Variants in KLRG1 observed in about 807,000 individuals in gnomAD.
The protein encoded by KLRG1 is killer cell lectin-like receptor subfamily G member 1.
Under a neutral mutation model 21.8 loss-of-function variants are expected in KLRG1, and 16 were observed. That is an observed-to-expected ratio of 0.73 (90% confidence interval 0.50 to 1.11). The LOEUF (loss-of-function observed/expected upper bound fraction) is 1.11. Ranked by LOEUF, KLRG1 falls within the 50% of genes most tolerant of loss-of-function variation. The pLI is 0.00. For missense variants in KLRG1, 173 were observed against 218.3 expected, an observed-to-expected ratio of 0.79 and a Z score of 1.31; for synonymous variants, 69 against 75.9, an observed-to-expected ratio of 0.91 and a Z score of 0.47.
the KLRG1 span, among the ~76,000 whole-genome samples, chr12:9,061,592 T>TC: frequency 6.6e-6 from 1 of 152,066 alleles, no homozygotes; most frequent in Non-Finnish European, 1.5e-5. Flanking sequence ...AGTAGAAGGA[T>TC]CTCTTGAGCC....
the KLRG1 span, among the ~76,000 whole-genome samples, chr12:9,190,327 C>T: frequency 1.6e-4 from 24 of 152,260 alleles, no homozygotes; most frequent in African/African-American, 3.9e-4. Flanking sequence ...TAAAAAAGAA[C>T]GCCATCATGT....
the KLRG1 span, among the ~76,000 whole-genome samples, chr12:9,044,947 G>T: frequency 5.9e-5 from 9 of 152,258 alleles, no homozygotes; most frequent in African/African-American, 2.2e-4. Flanking sequence ...ATAAATATCT[G>T]TCACTAAAGG....
chr12:9,152,164 T>G, the KLRG1 span: 1 of 1,242,890 alleles, frequency 8.0e-7, no homozygotes, highest in Non-Finnish European at 1.2e-6. Context: ...TGGTCTTAGT[T>G]TGGGGATACA....
chr12:9,148,416 A>G, the KLRG1 span, among the ~76,000 whole-genome samples: 1 of 152,124 alleles, frequency 6.6e-6, no homozygotes, highest in Non-Finnish European at 1.5e-5. Context: ...TAATTTTATT[A>G]TCCATGTTTG....
chr12:9,215,561 T>G, the KLRG1 span, among the ~76,000 whole-genome samples: 3 of 152,034 alleles, frequency 2.0e-5, no homozygotes, highest in Non-Finnish European at 4.4e-5. Context: ...AATTAAACAT[T>G]TTTAAATGAT....
chr12:9,001,337 AG>A (rs1480517401), intron 3 of KLRG1, among the ~76,000 whole-genome samples: 1 of 152,200 alleles, frequency 6.6e-6, no homozygotes, highest in Non-Finnish European at 1.5e-5. Flanking sequence ...TTAAAATATG[AG>A]ACTGTAGGGT....
At chr12:9,132,355 G>C in the KLRG1 span, among the ~76,000 whole-genome samples, 1 of 152,218 alleles carries the variant, frequency 6.6e-6, no homozygotes, top group African/African-American at 2.4e-5. Context: ...AACGACATGG[G>C]TTGTGAAACA....
chr12:9,081,377 T>C, the KLRG1 span, among the ~76,000 whole-genome samples: 2 of 152,164 alleles, frequency 1.3e-5, no homozygotes, highest in African/African-American at 4.8e-5. Flanking sequence ...CTGGTGGAAG[T>C]ATAAATGCAT....
At chr12:9,039,017 A>G in the KLRG1 span, among the ~76,000 whole-genome samples, 5 of 152,208 alleles carry the variant, frequency 3.3e-5, no homozygotes, top group Non-Finnish European at 5.9e-5. Context: ...GCTTAAATTT[A>G]TTAGAAGAGC....
chr12:9,165,485 A>G, the KLRG1 span: 8 of 1,158,764 alleles, frequency 6.9e-6, no homozygotes, highest in Non-Finnish European at 9.8e-6. Flanking sequence ...GGTATATGCG[A>G]GTGTGCATTC....
At chr12:9,194,477 T>G in the KLRG1 span, among the ~76,000 whole-genome samples, 1 of 149,888 alleles carries the variant, frequency 6.7e-6, no homozygotes, top group Non-Finnish European at 1.5e-5. Context: ...TTTTTTTTTT[T>G]TTTTTGAGAC....
At chr12:9,059,996 C>CTTTCTTTTT in the KLRG1 span, among the ~76,000 whole-genome samples, 1 of 75,566 alleles carries the variant, frequency 1.3e-5, no homozygotes, top group Non-Finnish European at 2.5e-5. Context: ...GCCCTGGCAT[C>CTTTCTTTTT]TTTTTTTTTT....
the KLRG1 span, among the ~76,000 whole-genome samples, chr12:9,055,921 T>A: frequency 1.3e-5 from 2 of 152,170 alleles, no homozygotes; most frequent in Non-Finnish European, 2.9e-5. Context: ...ACTCTTCTGA[T>A]AAGAAAATCA....
chr12:9,012,749 A>G (rs1185356447), downstream of KLRG1, among the ~76,000 whole-genome samples: 1 of 151,942 alleles, frequency 6.6e-6, no homozygotes, highest in East Asian at 1.9e-4. Context: ...GCATTTCTGG[A>G]CCTGCCCTGA....
chr12:9,111,348 A>G, the KLRG1 span, among the ~76,000 whole-genome samples: 1 of 152,182 alleles, frequency 6.6e-6, no homozygotes, highest in South Asian at 2.1e-4. Context: ...AAATAGAAAA[A>G]CAAAGCCAAG....
chr12:9,015,944 A>G, the KLRG1 span, among the ~76,000 whole-genome samples: 2 of 152,202 alleles, frequency 1.3e-5, no homozygotes, highest in Non-Finnish European at 2.9e-5. Flanking sequence ...AAGGAAGTTA[A>G]AAAACTTCTG....
At chr12:9,009,109 G>C (rs1947564343) in intron 4 of KLRG1, 34 bp downstream of exon 4, 2 of 1,540,978 alleles carry the variant, frequency 1.3e-6, no homozygotes, top group Admixed American at 1.8e-5. Flanking sequence ...AAAAAAGAGA[G>C]AGAGGAAAAA....
At chr12:9,003,216 T>A (rs1947358296) in intron 3 of KLRG1, among the ~76,000 whole-genome samples, 1 of 152,140 alleles carries the variant, frequency 6.6e-6, no homozygotes, top group African/African-American at 2.4e-5. Context: ...CAAATCTTTA[T>A]CAATTTCTGT....
the KLRG1 span, among the ~76,000 whole-genome samples, chr12:9,214,843 GC>G: frequency 6.6e-6 from 1 of 151,836 alleles, no homozygotes; most frequent in Admixed American, 6.6e-5. Flanking sequence ...GGCATATAAT[GC>G]TATTTAATGG....
Sources: gnomAD v4.1 joint callset for allele counts (sites outside exome capture counted in the v4.1 genomes callset) on GRCh38, gnomAD v4.1.1 for gene constraint, MANE v1.5 for transcripts, NCBI Gene and HGNC (gene_info 2026-07-23, HGNC 2026-07-21) for gene names.